The following SAMD3 variants were observed in gnomAD, a reference collection of about 807,000 sequenced individuals.
SAMD3 encodes sterile alpha motif domain-containing protein 3.
SAMD3 carries 63 observed loss-of-function variants against 58.5 expected under a neutral mutation model. The observed-to-expected ratio is 1.08, with a 90% confidence interval of 0.88 to 1.33. The LOEUF is 1.33. SAMD3 is among the 40% of genes most tolerant of loss of function. SAMD3 has a pLI of 0.00. For missense variants in SAMD3, 604 were observed against 608.4 expected (o/e 0.99, Z 0.08); for synonymous variants, 220 against 210.3 (o/e 1.05, Z -0.40).
rs147425475 is a variant in SAMD3, at chr6:130,210,760, T to G, written c.270-1152A>C. 3.2e-3 allele frequency among the ~76,000 whole-genome samples: 481 copies of G among 152,098 alleles called. 2 individuals are homozygous for G. The highest frequency in any genetic ancestry group is 0.011 in the African/African-American group (462 of 41,474). On this transcript the variant is annotated intron_variant, in intron 4 of 11. Transcript: ENST00000439090. The stretch of plus-strand genomic sequence containing the variant: ...AGGTTGAACATGCCTCATTATACCC[T>G]CCTCCCTTTTAGAATTGAGGAAAAG...
At chr6:130,153,647 CATAT>C (rs1196709383) in intron 9 of SAMD3, among the ~76,000 whole-genome samples, 6 of 96,702 alleles carry the variant, frequency 6.2e-5, no homozygotes, top group East Asian at 3.1e-4. Context: ...CATTAAATTT[CATAT>C]ATATATATAT....
At chr6:130,310,730 G>A (rs534368249) in intron 2 of SAMD3, among the ~76,000 whole-genome samples, 8 of 152,132 alleles carry the variant, frequency 5.3e-5, no homozygotes, top group African/African-American at 9.7e-5. Flanking sequence ...TGCAGACTGC[G>A]TATCTCAGAG....
At chr6:130,199,430 A>G (rs1209236022) in intron 5 of SAMD3, among the ~76,000 whole-genome samples, 1 of 152,240 alleles carries the variant, frequency 6.6e-6, no homozygotes, top group East Asian at 1.9e-4. Context: ...TTGGGGACAT[A>G]GAAGAGGAAG....
chr6:130,227,088 A>G (rs971621169), upstream of SAMD3, among the ~76,000 whole-genome samples: 1 of 152,142 alleles, frequency 6.6e-6, no homozygotes, highest in African/African-American at 2.4e-5. Flanking sequence ...TCATCCCCAA[A>G]ATGAAACTCT....
At position 130,177,669 on chromosome 6, in the gene SAMD3, T is replaced by A. The variant is rs75941215; in HGVS notation, c.655-1661A>T. Among the ~76,000 whole-genome samples the A allele has an allele frequency of 7.5e-3, 1,135 of 152,314 alleles. 23 individuals carry two copies. The highest frequency in any genetic ancestry group is 0.027 in the African/African-American group (1,104 of 41,564). On this transcript the variant is annotated intron_variant, in intron 7 of 11. Coordinates refer to ENST00000439090, the MANE Select transcript of SAMD3 (RefSeq NM_001017373.4). ...CAGTGGTAATCTACCCTCATCTATG[T>A]GATACTTTGTCTGTTTCTATTTATA...
chr6:130,184,275 T>C (rs1400974753), intron 6 of SAMD3, 88 bp from the exon 7 acceptor site: 3 of 1,246,972 alleles, frequency 2.4e-6, no homozygotes, highest in African/African-American at 3.0e-5. Context: ...TCATTTTTCT[T>C]CACATTTTTC....
At chr6:130,201,581 T>G (rs1031982505) in intron 5 of SAMD3, among the ~76,000 whole-genome samples, 1 of 152,222 alleles carries the variant, frequency 6.6e-6, no homozygotes, top group Non-Finnish European at 1.5e-5. Flanking sequence ...GAATTTAATG[T>G]GCAAAGTTAA....
chr6:130,155,836 G>A (rs568631175), intron 8 of SAMD3, among the ~76,000 whole-genome samples: 67 of 152,154 alleles, frequency 4.4e-4, no homozygotes, highest in Non-Finnish European at 8.8e-4. Flanking sequence ...AACACAGAAT[G>A]ACTAACAAGA....
intron 4 of SAMD3, among the ~76,000 whole-genome samples, chr6:130,213,368 A>G (rs1225032350): frequency 2.6e-5 from 4 of 151,754 alleles, no homozygotes; most frequent in Non-Finnish European, 5.9e-5. Flanking sequence ...GCTCTATACC[A>G]TCCCTTCAAG....
At chr6:130,144,898 G>A (rs1212173958) in intron 11 of SAMD3, 94 bp from the exon 12 acceptor site, 1 of 1,145,808 alleles carries the variant, frequency 8.7e-7, no homozygotes, top group Non-Finnish European at 1.2e-6. Context: ...AAATCAGCTT[G>A]TTGCAATGTA....
At chr6:130,291,246 A>T (rs1443348242) in intron 2 of SAMD3, among the ~76,000 whole-genome samples, 1 of 152,138 alleles carries the variant, frequency 6.6e-6, no homozygotes, top group Non-Finnish European at 1.5e-5. Context: ...ACCTGCCACC[A>T]CACCTGGCTT....
chr6:130,313,092 G>A (rs1371474715), exon 2 of SAMD3: 1 of 152,170 alleles, frequency 6.6e-6, no homozygotes, highest in East Asian at 1.9e-4. Flanking sequence ...CTCTTGGAGA[G>A]CCTGTTAAAA....
intron 4 of SAMD3, among the ~76,000 whole-genome samples, chr6:130,213,102 G>C (rs946147427): frequency 6.6e-6 from 1 of 152,068 alleles, no homozygotes; most frequent in Admixed American, 6.6e-5. Flanking sequence ...GGGCAACACA[G>C]TGAAACCACC....
chr6:130,183,354 A>C (rs553308057), intron 7 of SAMD3: 3 of 448,042 alleles, frequency 6.7e-6, no homozygotes, highest in South Asian at 4.8e-5. Context: ...AAAAAAGGAA[A>C]AAAAAAAAAA....
At chr6:130,143,281 T>C (rs1484498581), downstream of SAMD3, 3 of 152,378 alleles carry the variant, frequency 2.0e-5, no homozygotes, top group South Asian at 6.2e-4. Flanking sequence ...AGTCTCATTC[T>C]GTTGCCCAGG....
At chr6:130,178,189 T>C (rs1458115707) in intron 7 of SAMD3, among the ~76,000 whole-genome samples, 1 of 152,156 alleles carries the variant, frequency 6.6e-6, no homozygotes, top group Non-Finnish European at 1.5e-5. Flanking sequence ...TTAGTCAGGC[T>C]GGACTCAAAC....
chr6:130,259,176 C>G (rs1774023694), intron 2 of SAMD3, among the ~76,000 whole-genome samples: 1 of 152,086 alleles, frequency 6.6e-6, no homozygotes, highest in Non-Finnish European at 1.5e-5. Context: ...AAGTTTTAGT[C>G]TGTTTTATGC....
chr6:130,311,857 A>C (rs1776181435), intron 2 of SAMD3, among the ~76,000 whole-genome samples: 1 of 152,168 alleles, frequency 6.6e-6, no homozygotes, highest in Admixed American at 6.5e-5. Flanking sequence ...CCAAGGACTG[A>C]GTGACAACTA....
At chr6:130,280,232 C>T (rs1774933307) in intron 2 of SAMD3, among the ~76,000 whole-genome samples, 1 of 152,200 alleles carries the variant, frequency 6.6e-6, no homozygotes, top group Non-Finnish European at 1.5e-5. Flanking sequence ...TAACCAGCCT[C>T]CTAATCACGA....
Sources: allele counts gnomAD v4.1 joint callset (sites outside exome capture counted in the v4.1 genomes callset), GRCh38; gene constraint gnomAD v4.1.1; transcripts MANE v1.5; gene names NCBI Gene and HGNC (gene_info 2026-07-23, HGNC 2026-07-21).